Variants in FARP1 observed in about 807,000 individuals in gnomAD.
FARP1 encodes FERM, ARHGEF and pleckstrin domain-containing protein 1.
In FARP1, 52 loss-of-function variants were observed where a neutral mutation model predicts 128.8. That is an observed-to-expected ratio of 0.40 (90% CI 0.32 to 0.51). The LOEUF is 0.51. Ranked by LOEUF, FARP1 falls within the 20% of genes least tolerant of loss-of-function variation. The pLI is 0.45. For missense variants in FARP1, 1,333 were observed against 1,367.9 expected (o/e 0.97, Z 0.40); for synonymous variants, 580 against 551.8 (o/e 1.05, Z -0.72).
chr13:98,188,555 C>T (rs367920833), intron 1 of FARP1, among the ~76,000 whole-genome samples: 5 of 151,778 alleles, frequency 3.3e-5, no homozygotes, highest in Non-Finnish European at 7.4e-5. Flanking sequence ...GGTGAGACTC[C>T]GTCTCAAAAG....
chr13:98,220,225 G>A (rs537674552), intron 2 of FARP1, among the ~76,000 whole-genome samples: 1 of 152,238 alleles, frequency 6.6e-6, no homozygotes, highest in Non-Finnish European at 1.5e-5. Context: ...TGGAAGGAAG[G>A]TGTTTAGATC....
At chr13:98,237,861 G>A (rs1882518631) in intron 2 of FARP1, among the ~76,000 whole-genome samples, 1 of 152,136 alleles carries the variant, frequency 6.6e-6, no homozygotes, top group African/African-American at 2.4e-5. Flanking sequence ...AATTAGTCAA[G>A]TGGTCGCTAT....
chr13:98,235,498 C>A (rs80127929), intron 2 of FARP1, among the ~76,000 whole-genome samples: 1,925 of 152,248 alleles, frequency 0.013, 39 homozygotes, highest in African/African-American at 0.044. Flanking sequence ...GAGGGGGAAA[C>A]TCCCTCTCTC....
intron 2 of FARP1, among the ~76,000 whole-genome samples, chr13:98,280,297 G>T (rs1884869039): frequency 6.6e-6 from 1 of 152,288 alleles, no homozygotes; most frequent in African/African-American, 2.4e-5. Flanking sequence ...GCATCAGCTG[G>T]TTTTCCAGCC....
intron 20 of FARP1, 48 bp from the exon 21 acceptor site, chr13:98,439,059 C>T (rs1214260585): frequency 2.0e-6 from 3 of 1,514,632 alleles, no homozygotes; most frequent in Non-Finnish European, 2.7e-6. Flanking sequence ...GGAGGGAAGC[C>T]TGCTGTCCAA....
intron 9 of FARP1, 143 bp from the exon 10 acceptor site, chr13:98,389,814 A>G: frequency 1.4e-6 from 1 of 699,100 alleles, no homozygotes; most frequent in Non-Finnish European, 2.4e-6. Context: ...GAGTTTAGTA[A>G]GTCTTTGCAC....
chr13:98,211,257 G>A (rs747257339), intron 1 of FARP1, among the ~76,000 whole-genome samples: 2 of 152,214 alleles, frequency 1.3e-5, no homozygotes, highest in East Asian at 1.9e-4. Context: ...GGAGGTGAGC[G>A]GCAGGCGAGC....
chr13:98,211,786 T>C (rs1880728389), intron 1 of FARP1, among the ~76,000 whole-genome samples: 1 of 152,264 alleles, frequency 6.6e-6, no homozygotes, highest in South Asian at 2.1e-4. Flanking sequence ...CGTTCCCTTA[T>C]GTCCTTCTGA....
intron 3 of FARP1, among the ~76,000 whole-genome samples, chr13:98,362,001 T>A (rs1282172040): frequency 6.6e-6 from 1 of 152,186 alleles, no homozygotes; most frequent in African/African-American, 2.4e-5. Flanking sequence ...AAGTGGCTCA[T>A]GCCTATAATC....
chr13:98,352,111 C>T (rs776995699), intron 3 of FARP1, among the ~76,000 whole-genome samples: 7 of 152,104 alleles, frequency 4.6e-5, no homozygotes, highest in Non-Finnish European at 7.4e-5. Flanking sequence ...TTAGCAAAAT[C>T]AAAAACCCAC....
chr13:98,212,345 C>T (rs1214494438), intron 1 of FARP1, among the ~76,000 whole-genome samples: 3 of 152,156 alleles, frequency 2.0e-5, no homozygotes, highest in African/African-American at 4.8e-5. Context: ...CGTGAGCCAC[C>T]GTGCCTGGCT....
intron 2 of FARP1, among the ~76,000 whole-genome samples, chr13:98,223,627 T>G (rs956474260): frequency 6.6e-6 from 1 of 152,224 alleles, no homozygotes; most frequent in African/African-American, 2.4e-5. Context: ...CGCCTGGCCA[T>G]AGAAGACATT....
chr13:98,420,526 G>A (rs1477703423), intron 16 of FARP1, among the ~76,000 whole-genome samples: 3 of 152,238 alleles, frequency 2.0e-5, no homozygotes, highest in East Asian at 1.9e-4. Flanking sequence ...ACGTGTGTGG[G>A]TGTGTGTTGC....
intron 2 of FARP1, among the ~76,000 whole-genome samples, chr13:98,286,061 TCA>T (rs1885151709): frequency 1.3e-5 from 2 of 152,128 alleles, no homozygotes; most frequent in Admixed American, 1.3e-4. Flanking sequence ...CTCTCACTGC[TCA>T]TAATACCTTA....
chr13:98,211,456 A>ACC (rs1292102413), intron 1 of FARP1, among the ~76,000 whole-genome samples: 2 of 152,188 alleles, frequency 1.3e-5, no homozygotes, highest in African/African-American at 4.8e-5. Flanking sequence ...TGTCTGTGGA[A>ACC]AAACTGTCTT....
chr13:98,153,302 ATT>A (rs1491103465), intron 1 of FARP1, among the ~76,000 whole-genome samples: 1 of 57,100 alleles, frequency 1.8e-5, no homozygotes, highest in South Asian at 6.6e-4. Context: ...ATATAAATAT[ATT>A]TATATATAAA....
At chr13:98,348,863 G>A (rs1888287774) in intron 3 of FARP1, among the ~76,000 whole-genome samples, 5 of 152,208 alleles carry the variant, frequency 3.3e-5, no homozygotes, top group Admixed American at 3.3e-4. Context: ...CTCTGTGGTA[G>A]GTATTCTATA....
intron 26 of FARP1, chr13:98,447,512 G>T (rs1892923892): frequency 6.6e-6 from 1 of 152,382 alleles, no homozygotes; most frequent in Non-Finnish European, 1.5e-5. Context: ...GACAAGGCCA[G>T]GTAATTTGGG....
rs567038647 is a variant in FARP1 at position 98,319,576 on chromosome 13, C to T, written c.172-24186C>T. Reference sequence around the variant, plus strand: ...CGGAGGTTGCAGTGAGCTGAGATTGCGCCACTGCACTCCAGCCTGGGCAAC... The same window carrying T: ...CGGAGGTTGCAGTGAGCTGAGATTGTGCCACTGCACTCCAGCCTGGGCAAC... On this transcript the variant is annotated intron_variant, in intron 2 of 26. Transcript: ENST00000319562. Among the ~76,000 whole-genome samples, 13 of 152,226 alleles carry T rather than the reference C, an allele frequency of 8.5e-5. No homozygotes were observed. The South Asian group carries it at 2.7e-3, about 32-fold the overall frequency.
Sources: allele counts gnomAD v4.1 joint callset (sites outside exome capture counted in the v4.1 genomes callset), GRCh38; gene constraint gnomAD v4.1.1; transcripts MANE v1.5; gene names NCBI Gene and HGNC (gene_info 2026-07-23, HGNC 2026-07-21).